Variants in FGF12 observed in about 807,000 individuals in gnomAD.
FGF12 encodes fibroblast growth factor 12B.
A neutral mutation model predicts 23.6 loss-of-function variants in FGF12; 14 were observed. The observed-to-expected ratio is 0.59, with a 90% CI of 0.39 to 0.93. The LOEUF (loss-of-function observed/expected upper bound fraction) is 0.93, where lower values mean the gene tolerates loss of function less well. Among genes scored for constraint, FGF12 ranks in the 40% least tolerant of loss-of-function variants. The pLI is 0.00. For synonymous variants in FGF12, 62 were observed against 77.3 expected (o/e 0.80, Z 1.04); for missense variants, 175 against 217.8 (o/e 0.80, Z 1.24).
In FGF12 at chr3:192,408,246, G is replaced by A. The variant is rs2669296; in HGVS notation, c.14-47708C>T. 1.1e-4 allele frequency: 170 copies of A among 1,571,592 alleles called. 1 individual carries two copies. The African/African-American group carries it at 2.0e-3, about 19-fold the overall frequency. ...CATAGCTGCTCAGCGAGGGCCTCAG[G>A]CCCCAGCCTCTACTGCGCCCTCCGG... On this transcript the variant is annotated intron_variant, in intron 2 of 5. Coordinates refer to ENST00000445105, the MANE Select transcript of FGF12 (RefSeq NM_004113.6). The surrounding 1 kb of genome is among the most constrained non-coding windows in gnomAD (Gnocchi z 7.3).
intron 2 of FGF12, among the ~76,000 whole-genome samples, chr3:192,507,521 A>T (rs1303205615): frequency 6.6e-6 from 1 of 152,176 alleles, no homozygotes; most frequent in Non-Finnish European, 1.5e-5. Context: ...AACTGTAAGG[A>T]GGAATGCTAT....
chr3:192,699,183 T>C (rs375359613), intron 2 of FGF12, among the ~76,000 whole-genome samples: 1 of 152,204 alleles, frequency 6.6e-6, no homozygotes, highest in Non-Finnish European at 1.5e-5. Context: ...CAGCCATGTC[T>C]TTTTCCTGGC....
At chr3:192,515,229 C>G (rs1466352222) in intron 2 of FGF12, 2 of 152,226 alleles carry the variant, frequency 1.3e-5, no homozygotes, top group African/African-American at 4.8e-5. Context: ...GCTTCCAGCC[C>G]GGAAGGCAGC....
intron 2 of FGF12, among the ~76,000 whole-genome samples, chr3:192,552,682 G>A (rs530467291): frequency 3.8e-4 from 58 of 152,246 alleles, no homozygotes; most frequent in African/African-American, 1.3e-3. Flanking sequence ...CCTGAGGCTG[G>A]GGGTTCCAGA....
chr3:192,618,170 A>G (rs773902375), intron 2 of FGF12, among the ~76,000 whole-genome samples: 3 of 151,866 alleles, frequency 2.0e-5, no homozygotes, highest in African/African-American at 4.8e-5. Flanking sequence ...TTCTTATTGT[A>G]CGTTTTTCTG....
intron 4 of FGF12, among the ~76,000 whole-genome samples, chr3:192,209,358 G>A (rs1362318506): frequency 2.6e-5 from 4 of 152,140 alleles, no homozygotes; most frequent in Non-Finnish European, 5.9e-5. Flanking sequence ...AAAATAGAAA[G>A]CTGGGTTCCT....
At chr3:192,319,852 C>T (rs980472892) in intron 4 of FGF12, among the ~76,000 whole-genome samples, 4 of 151,518 alleles carry the variant, frequency 2.6e-5, no homozygotes, top group African/African-American at 7.3e-5. Context: ...AACAGATACA[C>T]ACAAAAAAAT....
At chr3:192,609,014 T>C (rs1714450550) in intron 2 of FGF12, among the ~76,000 whole-genome samples, 1 of 152,120 alleles carries the variant, frequency 6.6e-6, no homozygotes. Flanking sequence ...GGACAGAATC[T>C]GTAGTTAGCT....
chr3:192,182,155 T>C (rs947218445), intron 4 of FGF12, among the ~76,000 whole-genome samples: 1 of 152,144 alleles, frequency 6.6e-6, no homozygotes, highest in East Asian at 1.9e-4. Context: ...TTATGTATGA[T>C]TGGAAAATAT....
chr3:192,150,264 T>C (rs1305539601), intron 5 of FGF12, among the ~76,000 whole-genome samples: 3 of 87,418 alleles, frequency 3.4e-5, no homozygotes, highest in East Asian at 2.8e-4. Context: ...ATTTTGTAGG[T>C]TGCCTGTTCA....
At position 192,592,043 on chromosome 3, in the gene FGF12, G is replaced by A. The variant is rs541755269; in HGVS notation, c.13+135138C>T. Among the ~76,000 whole-genome samples, 15 of 151,784 alleles carry A rather than the reference G, an allele frequency of 9.9e-5. No homozygotes were observed. The South Asian group carries it at 3.2e-3, about 32-fold the overall frequency. On this transcript the variant is annotated intron_variant, in intron 2 of 5. Coordinates refer to ENST00000445105, the MANE Select transcript of FGF12 (RefSeq NM_004113.6). ...ACAGGCTGTGTAGGCAATACAAATAGGTTAGGCAGGGGGAAAAAAAAATCT... is the reference window on the plus strand; with the variant it reads ...ACAGGCTGTGTAGGCAATACAAATAAGTTAGGCAGGGGGAAAAAAAAATCT...
At chr3:192,590,646 T>C (rs1713577745) in intron 2 of FGF12, among the ~76,000 whole-genome samples, 1 of 151,952 alleles carries the variant, frequency 6.6e-6, no homozygotes, top group African/African-American at 2.4e-5. Context: ...TTCCTTTTGC[T>C]TCAAGGCCAA....
intron 2 of FGF12, among the ~76,000 whole-genome samples, chr3:192,627,864 G>A (rs1715231800): frequency 6.6e-6 from 1 of 151,940 alleles, no homozygotes; most frequent in Non-Finnish European, 1.5e-5. Context: ...GTGTGTGTGT[G>A]TGTGTGTGTG....
intron 4 of FGF12, among the ~76,000 whole-genome samples, chr3:192,272,069 A>G (rs1713476022): frequency 6.6e-6 from 1 of 152,186 alleles, no homozygotes; most frequent in Non-Finnish European, 1.5e-5. Context: ...GATATTAGGA[A>G]TGACTAATAA....
At chr3:192,552,492 A>C (rs9853605) in intron 2 of FGF12, among the ~76,000 whole-genome samples, 33,067 of 152,084 alleles carry the variant, frequency 0.22, 3,893 homozygotes, top group Middle Eastern at 0.4. Flanking sequence ...ATTATAATCA[A>C]AGTGCTGAAA....
chr3:192,462,951 G>A (rs7631924), intron 2 of FGF12, among the ~76,000 whole-genome samples: 138 of 152,300 alleles, frequency 9.1e-4, no homozygotes, highest in Middle Eastern at 3.4e-3. Flanking sequence ...TATGATGTAC[G>A]AAGAGTTTGT....
rs922911021 is a variant in FGF12 at position 192,409,494 on chromosome 3, C to T, written c.14-48956G>A. Reference sequence around the variant, plus strand: ...CCGTGCCCCCTAGGCTCGCGCGCCCCGGCAGTCAGCAGCTCACAGGCAGCA... The same window carrying T: ...CCGTGCCCCCTAGGCTCGCGCGCCCTGGCAGTCAGCAGCTCACAGGCAGCA... On this transcript the variant is annotated intron_variant, in intron 2 of 5. Transcript: ENST00000445105. This position sits in a 1 kb window ranked among gnomAD's most constrained non-coding sequence, Gnocchi z 4.8. 1.3e-5 allele frequency among the ~76,000 whole-genome samples: 2 copies of T among 152,318 alleles called. No individual in the cohort carries two copies. Among genetic ancestry groups the T allele is most frequent in the South Asian group, 2.1e-4 (1 of 4,834 alleles).
At chr3:192,362,899 G>A (rs931655979) in intron 2 of FGF12, among the ~76,000 whole-genome samples, 1 of 152,106 alleles carries the variant, frequency 6.6e-6, no homozygotes, top group Non-Finnish European at 1.5e-5. Flanking sequence ...TAAACAGTGG[G>A]CTAAAAGTAC....
intron 2 of FGF12, among the ~76,000 whole-genome samples, chr3:192,393,155 G>A (rs1441130749): frequency 6.6e-6 from 1 of 152,164 alleles, no homozygotes; most frequent in Non-Finnish European, 1.5e-5. Context: ...TTGGTAAGGT[G>A]ACTCATCCAA....
Sources: gnomAD v4.1 joint callset for allele counts (sites outside exome capture counted in the v4.1 genomes callset) on GRCh38, gnomAD v4.1.1 for gene constraint, Gnocchi (gnomAD v3.1) non-coding constraint, MANE v1.5 for transcripts, NCBI Gene and HGNC (gene_info 2026-07-23, HGNC 2026-07-21) for gene names.